Variants in STXBP5 observed in about 807,000 individuals in gnomAD.
STXBP5 encodes the protein syntaxin-binding protein 5.
A neutral mutation model predicts 152.4 loss-of-function variants in STXBP5; 50 were observed. That is an observed-to-expected ratio of 0.33 (90% confidence interval 0.26 to 0.42). The LOEUF (loss-of-function observed/expected upper bound fraction) is 0.42, where lower values mean the gene tolerates loss of function less well. Ranked by LOEUF, STXBP5 falls within the 10% of genes least tolerant of loss-of-function variation. STXBP5 has a pLI of 1.00. For synonymous variants in STXBP5, 492 were observed against 494.7 expected, an observed-to-expected ratio of 0.99 and a Z score of 0.07; for missense variants, 1,167 against 1,388.6, an observed-to-expected ratio of 0.84 and a Z score of 2.54.
chr6:147,313,791 A>G, intron 11 of STXBP5, 93 bp from the exon 12 acceptor site: 5 of 785,056 alleles, frequency 6.4e-6, no homozygotes, highest in Non-Finnish European at 9.3e-6. Flanking sequence ...TCTCTATGAT[A>G]GAATGTATGT....
intron 5 of STXBP5, 44 bp downstream of exon 5, chr6:147,260,793 TATA>T: frequency 6.3e-7 from 1 of 1,592,642 alleles, no homozygotes; most frequent in Non-Finnish European, 8.5e-7. Flanking sequence ...ATCAGTTCTA[TATA>T]TAATAATACC....
intron 16 of STXBP5, among the ~76,000 whole-genome samples, chr6:147,316,861 G>A (rs117583396): frequency 0.035 from 5,372 of 151,988 alleles, 146 homozygotes; most frequent in Admixed American, 0.054. Context: ...ACGTTTTATT[G>A]TTGCATCCTA....
chr6:147,309,439 GATAA>G (rs755814256), intron 9 of STXBP5, among the ~76,000 whole-genome samples: 3 of 152,092 alleles, frequency 2.0e-5, no homozygotes, highest in Non-Finnish European at 4.4e-5. Flanking sequence ...AATGAGTCTA[GATAA>G]ATAATTTAGG....
intron 16 of STXBP5, among the ~76,000 whole-genome samples, chr6:147,320,338 A>C (rs1782860564): frequency 6.6e-6 from 1 of 152,154 alleles, no homozygotes; most frequent in African/African-American, 2.4e-5. Context: ...CAGCAGCAGA[A>C]AAGAAAATGC....
At chr6:147,351,942 T>C (rs1011242862) in intron 21 of STXBP5, 6 of 956,446 alleles carry the variant, frequency 6.3e-6, no homozygotes, top group South Asian at 4.8e-5. Flanking sequence ...TAACCTAATA[T>C]ATTCATTCCT....
intron 22 of STXBP5, among the ~76,000 whole-genome samples, chr6:147,358,316 C>T (rs1201908355): frequency 6.6e-6 from 1 of 152,088 alleles, no homozygotes; most frequent in East Asian, 1.9e-4. Flanking sequence ...ATTTGTCACA[C>T]TCTACCAGTC....
At chr6:147,346,736 CAA>C (rs901429195) in intron 21 of STXBP5, among the ~76,000 whole-genome samples, 1 of 143,156 alleles carries the variant, frequency 7.0e-6, no homozygotes, top group Non-Finnish European at 1.5e-5. Flanking sequence ...TGAGTCTCCT[CAA>C]AAAAAAAAAT....
At chr6:147,303,731 T>C (rs963765980) in intron 9 of STXBP5, among the ~76,000 whole-genome samples, 1 of 152,158 alleles carries the variant, frequency 6.6e-6, no homozygotes, top group Non-Finnish European at 1.5e-5. Flanking sequence ...TAGAGACTTG[T>C]TGAATGGGTT....
At chr6:147,209,294 C>G (rs1276203110) in intron 2 of STXBP5, among the ~76,000 whole-genome samples, 1 of 152,066 alleles carries the variant, frequency 6.6e-6, no homozygotes, top group Non-Finnish European at 1.5e-5. Flanking sequence ...GTGGAAAATA[C>G]AGTGAAATAG....
intron 2 of STXBP5, among the ~76,000 whole-genome samples, chr6:147,214,777 G>T (rs1446379253): frequency 6.6e-6 from 1 of 152,014 alleles, no homozygotes; most frequent in East Asian, 1.9e-4. Context: ...AATGTTACAG[G>T]GTATGAAAAA....
chr6:147,259,824 G>GA (rs914522962), intron 4 of STXBP5, among the ~76,000 whole-genome samples: 35 of 151,456 alleles, frequency 2.3e-4, no homozygotes, highest in African/African-American at 8.2e-4. Context: ...AAGGACAAGA[G>GA]AAAAAAACAG....
chr6:147,295,486 G>A (rs981222395), intron 9 of STXBP5, among the ~76,000 whole-genome samples: 7 of 152,182 alleles, frequency 4.6e-5, no homozygotes, highest in African/African-American at 1.7e-4. Context: ...AAAAAGAACA[G>A]ACAACTAAAA....
At chr6:147,252,005 A>C (rs967541453) in intron 4 of STXBP5, among the ~76,000 whole-genome samples, 2 of 152,184 alleles carry the variant, frequency 1.3e-5, no homozygotes, top group Admixed American at 1.3e-4. Flanking sequence ...TAGAAGGAAA[A>C]CTAACAAACA....
At chr6:147,381,634 G>A (rs1317455408) in intron 26 of STXBP5, among the ~76,000 whole-genome samples, 1 of 152,150 alleles carries the variant, frequency 6.6e-6, no homozygotes, top group African/African-American at 2.4e-5. Flanking sequence ...CAACCCAGAT[G>A]TCCATCAGCT....
At chr6:147,325,721 T>C (rs963102198) in intron 17 of STXBP5, among the ~76,000 whole-genome samples, 1 of 152,154 alleles carries the variant, frequency 6.6e-6, no homozygotes, top group African/African-American at 2.4e-5. Context: ...CTATTTATCA[T>C]GTGTAGTTCA....
chr6:147,324,645 C>T (rs1033228369), intron 16 of STXBP5, among the ~76,000 whole-genome samples: 2 of 151,798 alleles, frequency 1.3e-5, no homozygotes, highest in Non-Finnish European at 2.9e-5. Flanking sequence ...CTTGGACTGC[C>T]GCTTCTCCTC....
chr6:147,367,508 G>A (rs925036493), intron 25 of STXBP5, among the ~76,000 whole-genome samples: 8 of 151,980 alleles, frequency 5.3e-5, no homozygotes, highest in Non-Finnish European at 1.0e-4. Context: ...CGTGGTGGTG[G>A]GTGCCTGTAG....
At chr6:147,290,872 A>G (rs1781244337) in intron 8 of STXBP5, among the ~76,000 whole-genome samples, 1 of 152,216 alleles carries the variant, frequency 6.6e-6, no homozygotes, top group South Asian at 2.1e-4. Context: ...TGTTCTTACT[A>G]AGTTATTAAT....
intron 2 of STXBP5, among the ~76,000 whole-genome samples, chr6:147,215,026 C>T (rs1047728894): frequency 5.3e-5 from 8 of 152,144 alleles, no homozygotes; most frequent in Non-Finnish European, 8.8e-5. Flanking sequence ...GTGAACATTT[C>T]CTGTAAAAGA....
Sources: gnomAD v4.1 joint callset for allele counts (sites outside exome capture counted in the v4.1 genomes callset) on GRCh38, gnomAD v4.1.1 for gene constraint, MANE v1.5 for transcripts, NCBI Gene and HGNC (gene_info 2026-07-23, HGNC 2026-07-21) for gene names.